Variants in ADCY2 observed in about 807,000 individuals in gnomAD.
ADCY2 encodes adenylate cyclase type 2.
A neutral mutation model predicts 125.2 loss-of-function variants in ADCY2; 31 were observed. The observed-to-expected ratio is 0.25, with a 90% CI of 0.19 to 0.33. The LOEUF (loss-of-function observed/expected upper bound fraction) is 0.33. Ranked by LOEUF, ADCY2 falls within the 10% of genes least tolerant of loss-of-function variation. The pLI, the probability that ADCY2 is intolerant of heterozygous loss-of-function variation, is 1.00. For missense variants in ADCY2, 904 were observed against 1,418.2 expected, an observed-to-expected ratio of 0.64 and a Z score of 5.82; for synonymous variants, 512 against 548.4, an observed-to-expected ratio of 0.93 and a Z score of 0.93.
Position 7,556,984 on chromosome 5 carries a change from T to C in ADCY2, c.570+36085T>C, listed in dbSNP as rs1015386549. On this transcript the variant is annotated intron_variant, in intron 3 of 24. Transcript: ENST00000338316. The stretch of plus-strand genomic sequence containing the variant: ...AAGAGCACCAACTACAAAGAAACGA[T>C]AGATGATTTTAGTTCACTAAAATTA... Among the ~76,000 whole-genome samples, 6 of 152,012 alleles carry C rather than the reference T, an allele frequency of 3.9e-5. No homozygotes were observed. In the East Asian group the frequency reaches 9.7e-4, roughly 25 times the overall value.
Position 7,396,690 on chromosome 5 carries a change from A to G in ADCY2, c.210+184A>G, listed in dbSNP as rs1266937606. Among the ~76,000 whole-genome samples the G allele has an allele frequency of 6.7e-6, 1 of 150,066 alleles. No homozygotes were observed. Among genetic ancestry groups the G allele is most frequent in the Non-Finnish European group, 1.5e-5 (1 of 67,580 alleles). ...GCCCGCGGCCCGGTGGACTCTGGCA[A>G]GGGCTGCGGGCGGGAGAAAAGTTTC... On this transcript the variant is annotated intron_variant, in intron 1 of 24. Coordinates refer to ENST00000338316, the MANE Select transcript of ADCY2 (RefSeq NM_020546.3). The surrounding 1 kb of genome is among the most constrained non-coding windows in gnomAD (Gnocchi z 5.7).
At chr5:7,574,063 A>G (rs1329741932) in intron 3 of ADCY2, among the ~76,000 whole-genome samples, 1 of 120,346 alleles carries the variant, frequency 8.3e-6, no homozygotes, top group Non-Finnish European at 1.8e-5. Flanking sequence ...TTCCAATTTC[A>G]TCCATGTCCC....
At chr5:7,730,038 C>A (rs28555152) in intron 14 of ADCY2, among the ~76,000 whole-genome samples, 278 of 152,094 alleles carry the variant, frequency 1.8e-3, no homozygotes, top group African/African-American at 6.3e-3. Flanking sequence ...CCTCTCCTAC[C>A]CTTCCCCCTT....
At chr5:7,748,454 G>T (rs529324670) in intron 15 of ADCY2, among the ~76,000 whole-genome samples, 1 of 151,730 alleles carries the variant, frequency 6.6e-6, no homozygotes, top group Non-Finnish European at 1.5e-5. Context: ...GACTCCAAAG[G>T]TGCCATCCAC....
intron 2 of ADCY2, among the ~76,000 whole-genome samples, chr5:7,416,487 A>G (rs1053452650): frequency 6.6e-6 from 1 of 152,172 alleles, no homozygotes; most frequent in Non-Finnish European, 1.5e-5. Context: ...TCAATTAGAA[A>G]TCCTGGCTAA....
chr5:7,640,925 T>C (rs1443201879), intron 4 of ADCY2, among the ~76,000 whole-genome samples: 1 of 152,222 alleles, frequency 6.6e-6, no homozygotes, highest in African/African-American at 2.4e-5. Flanking sequence ...TGAATGGATT[T>C]GGAAAATTTG....
At chr5:7,816,471 A>G (rs900591903) in intron 22 of ADCY2, among the ~76,000 whole-genome samples, 2 of 152,212 alleles carry the variant, frequency 1.3e-5, no homozygotes, top group Non-Finnish European at 1.5e-5. Flanking sequence ...CGGTCAGGCC[A>G]CCAGAGCCAG....
At chr5:7,685,770 T>TG (rs1446236942) in intron 4 of ADCY2, among the ~76,000 whole-genome samples, 4 of 152,092 alleles carry the variant, frequency 2.6e-5, no homozygotes, top group Non-Finnish European at 5.9e-5. Context: ...TGATAGGAGC[T>TG]GGGGGAGGTG....
chr5:7,670,344 T>G (rs1739891052), intron 4 of ADCY2, among the ~76,000 whole-genome samples: 1 of 152,232 alleles, frequency 6.6e-6, no homozygotes, highest in South Asian at 2.1e-4. Context: ...TGAGCTTATG[T>G]CTCATAATAA....
chr5:7,594,974 C>G (rs756278976), intron 3 of ADCY2, among the ~76,000 whole-genome samples: 4 of 152,168 alleles, frequency 2.6e-5, no homozygotes, highest in Non-Finnish European at 5.9e-5. Flanking sequence ...TCTGTTCATG[C>G]TTCTCTAAGC....
At chr5:7,560,139 T>C (rs1033813768) in intron 3 of ADCY2, among the ~76,000 whole-genome samples, 4 of 152,194 alleles carry the variant, frequency 2.6e-5, no homozygotes, top group Non-Finnish European at 4.4e-5. Flanking sequence ...AAATAGCCCA[T>C]TGCTGGAAAC....
At chr5:7,425,119 C>A (rs1740341136) in intron 2 of ADCY2, among the ~76,000 whole-genome samples, 1 of 152,200 alleles carries the variant, frequency 6.6e-6, no homozygotes, top group East Asian at 1.9e-4. Context: ...CCTATGTGTG[C>A]AGCTCTCAGG....
At chr5:7,428,675 T>C (rs1217359271) in intron 2 of ADCY2, among the ~76,000 whole-genome samples, 1 of 152,236 alleles carries the variant, frequency 6.6e-6, no homozygotes, top group East Asian at 1.9e-4. Context: ...GTGTTTTGTA[T>C]GTCCATGTTC....
At chr5:7,561,415 G>GT (rs1301067309) in intron 3 of ADCY2, among the ~76,000 whole-genome samples, 2 of 152,160 alleles carry the variant, frequency 1.3e-5, no homozygotes, top group South Asian at 2.1e-4. Flanking sequence ...GCTGTAGGCA[G>GT]TTGTAACACA....
At chr5:7,698,553 A>G (rs1740968352) in intron 7 of ADCY2, among the ~76,000 whole-genome samples, 179 bp downstream of exon 7, 1 of 151,826 alleles carries the variant, frequency 6.6e-6, no homozygotes, top group African/African-American at 2.4e-5. Context: ...CCCCTCCCCA[A>G]CAGGCCCTGG....
chr5:7,625,297 T>C (rs1738083640), intron 3 of ADCY2, among the ~76,000 whole-genome samples: 1 of 152,204 alleles, frequency 6.6e-6, no homozygotes, highest in Non-Finnish European at 1.5e-5. Context: ...AAAAAATATT[T>C]TATTAAATGT....
chr5:7,488,975 G>A (rs536813102), intron 2 of ADCY2, among the ~76,000 whole-genome samples: 7 of 152,136 alleles, frequency 4.6e-5, no homozygotes, highest in African/African-American at 7.2e-5. Flanking sequence ...TAACTGACAC[G>A]TAGACATTGC....
At chr5:7,819,759 C>A (rs1402155474) in intron 23 of ADCY2, among the ~76,000 whole-genome samples, 1 of 152,198 alleles carries the variant, frequency 6.6e-6, no homozygotes, top group African/African-American at 2.4e-5. Context: ...ATATTGCCAA[C>A]AAAAGCGATG....
At position 7,802,449 on chromosome 5, in the gene ADCY2, T is replaced by C; in HGVS notation, c.2775+85T>C. On this transcript the variant is annotated intron_variant, in intron 21 of 24. Coordinates refer to ENST00000338316, the MANE Select transcript of ADCY2 (RefSeq NM_020546.3). This position sits in a 1 kb window ranked among gnomAD's most constrained non-coding sequence, Gnocchi z 4.6. ...TTGAAGTTACTTCAGGATAGTGGCC[T>C]ATCCCAAAAAAACTTGTCCTTTGGC... 6.8e-7 allele frequency: 1 copy of C among 1,468,688 alleles called. No homozygotes were observed. The highest frequency in any genetic ancestry group is 1.4e-5 in the African/African-American group (1 of 70,808). 91.0% of individuals were successfully genotyped at this position (1,468,688 alleles called of 1,614,324 possible).
Sources: gnomAD v4.1 joint callset for allele counts (sites outside exome capture counted in the v4.1 genomes callset) on GRCh38, gnomAD v4.1.1 for gene constraint, Gnocchi (gnomAD v3.1) non-coding constraint, MANE v1.5 for transcripts, NCBI Gene and HGNC (gene_info 2026-07-23, HGNC 2026-07-21) for gene names.